Variants in PACRG observed in about 807,000 individuals in gnomAD.
PACRG encodes the protein parkin coregulated gene protein.
Under a neutral mutation model 29.7 loss-of-function variants are expected in PACRG, and 29 were observed. The observed-to-expected ratio is 0.98, with a 90% CI of 0.73 to 1.33. The LOEUF is 1.33. PACRG is among the 40% of genes most tolerant of loss of function. The pLI is 0.00. For synonymous variants in PACRG, 116 were observed against 118.7 expected, an observed-to-expected ratio of 0.98 and a Z score of 0.15; for missense variants, 279 against 316.2, an observed-to-expected ratio of 0.88 and a Z score of 0.89.
intron 4 of PACRG, among the ~76,000 whole-genome samples, chr6:163,112,759 A>G (rs548124464): frequency 6.6e-6 from 1 of 152,332 alleles, no homozygotes; most frequent in South Asian, 2.1e-4. Flanking sequence ...TTTTAAAAGA[A>G]AAACCTGGGG....
At chr6:162,808,711 C>T (rs1786571665) in intron 1 of PACRG, among the ~76,000 whole-genome samples, 1 of 152,162 alleles carries the variant, frequency 6.6e-6, no homozygotes, top group African/African-American at 2.4e-5. Flanking sequence ...CTGTAACATC[C>T]ATTCTTCCCA....
intron 2 of PACRG, among the ~76,000 whole-genome samples, chr6:163,004,739 C>G (rs201246782): frequency 6.4e-5 from 4 of 62,930 alleles, no homozygotes; most frequent in Non-Finnish European, 1.4e-4. Flanking sequence ...TATATATATA[C>G]ACACACACAC....
At chr6:163,149,900 G>C (rs1778004731) in intron 4 of PACRG, among the ~76,000 whole-genome samples, 1 of 152,172 alleles carries the variant, frequency 6.6e-6, no homozygotes, top group Non-Finnish European at 1.5e-5. Context: ...CATTTCTGTA[G>C]GAAACTCAGA....
At chr6:163,000,024 G>T (rs1468673674) in intron 2 of PACRG, among the ~76,000 whole-genome samples, 1 of 152,184 alleles carries the variant, frequency 6.6e-6, no homozygotes, top group African/African-American at 2.4e-5. Flanking sequence ...CCTATGGTTG[G>T]ATTCGTTTCA....
chr6:162,764,874 G>A (rs1782659319), intron 1 of PACRG, among the ~76,000 whole-genome samples: 1 of 151,564 alleles, frequency 6.6e-6, no homozygotes, highest in South Asian at 2.1e-4. Context: ...CTCCCTAGTA[G>A]CTGGGATTAC....
intron 1 of PACRG, among the ~76,000 whole-genome samples, chr6:162,748,800 T>C (rs1322070722): frequency 6.6e-6 from 1 of 152,190 alleles, no homozygotes; most frequent in Non-Finnish European, 1.5e-5. Flanking sequence ...CTCTACGTAT[T>C]ATGCTTATAC....
At chr6:162,831,594 C>A (rs1295719215) in intron 2 of PACRG, among the ~76,000 whole-genome samples, 1 of 152,102 alleles carries the variant, frequency 6.6e-6, no homozygotes, top group East Asian at 1.9e-4. Flanking sequence ...ACCTATCAAC[C>A]CAGCACCTAG....
At chr6:163,122,174 T>A (rs1165415011) in intron 4 of PACRG, among the ~76,000 whole-genome samples, 2 of 152,138 alleles carry the variant, frequency 1.3e-5, no homozygotes, top group Non-Finnish European at 2.9e-5. Flanking sequence ...ACATTCATAA[T>A]GTTTAGATAA....
intron 4 of PACRG, among the ~76,000 whole-genome samples, chr6:163,243,941 C>T (rs1392587147): frequency 6.6e-6 from 1 of 152,180 alleles, no homozygotes; most frequent in African/African-American, 2.4e-5. Context: ...GAAATGTAGT[C>T]AAACAGAGTA....
At chr6:163,186,260 C>A (rs1205487415) in intron 4 of PACRG, among the ~76,000 whole-genome samples, 1 of 152,190 alleles carries the variant, frequency 6.6e-6, no homozygotes, top group Non-Finnish European at 1.5e-5. Flanking sequence ...GGCTGCAAAG[C>A]TGCACACGCC....
At chr6:162,772,875 A>T (rs1783328597) in intron 1 of PACRG, among the ~76,000 whole-genome samples, 1 of 152,228 alleles carries the variant, frequency 6.6e-6, no homozygotes, top group African/African-American at 2.4e-5. Context: ...TAGACAGAAG[A>T]AGTACAGGGA....
chr6:163,177,705 A>G (rs1313721195), intron 4 of PACRG, among the ~76,000 whole-genome samples: 1 of 61,288 alleles, frequency 1.6e-5, no homozygotes, highest in Non-Finnish European at 3.8e-5. Context: ...GAAATTAGAA[A>G]AGGGATTTTT....
intron 1 of PACRG, among the ~76,000 whole-genome samples, chr6:162,764,428 T>G (rs1319217025): frequency 1.3e-5 from 2 of 152,198 alleles, no homozygotes; most frequent in Non-Finnish European, 2.9e-5. Context: ...CAACACAAAT[T>G]TAAATGATTT....
At chr6:162,807,082 C>T (rs1468795800) in intron 1 of PACRG, among the ~76,000 whole-genome samples, 1 of 152,204 alleles carries the variant, frequency 6.6e-6, no homozygotes, top group Non-Finnish European at 1.5e-5. Flanking sequence ...TAGCTTCACA[C>T]TTTTCTTCTG....
chr6:162,800,947 A>G (rs149926696), intron 1 of PACRG, among the ~76,000 whole-genome samples: 3 of 152,234 alleles, frequency 2.0e-5, no homozygotes, highest in African/African-American at 7.2e-5. Flanking sequence ...GCAAGGGTCC[A>G]ATCCCCACAC....
intron 4 of PACRG, among the ~76,000 whole-genome samples, chr6:163,298,418 G>A (rs79478897): frequency 0.02 from 3,038 of 152,274 alleles, 112 homozygotes; most frequent in African/African-American, 0.069. Context: ...GATAAAGCAG[G>A]CACCCGTATG....
chr6:162,998,315 C>T (rs1341666019), intron 2 of PACRG, among the ~76,000 whole-genome samples: 1 of 152,192 alleles, frequency 6.6e-6, no homozygotes, highest in Non-Finnish European at 1.5e-5. Context: ...AGTCCTCATG[C>T]CGTATGCAAC....
intron 2 of PACRG, among the ~76,000 whole-genome samples, chr6:162,883,885 A>C (rs1341233945): frequency 6.7e-6 from 1 of 149,686 alleles, no homozygotes; most frequent in East Asian, 1.9e-4. Context: ...TAGGCAGGTG[A>C]TTGACACATA....
intron 2 of PACRG, among the ~76,000 whole-genome samples, chr6:162,959,302 G>A (rs182202567): frequency 6.6e-6 from 1 of 152,016 alleles, no homozygotes; most frequent in East Asian, 1.9e-4. Flanking sequence ...GAGTAGGGCC[G>A]GGGATGGGAA....
Sources: gnomAD v4.1 joint callset for allele counts (sites outside exome capture counted in the v4.1 genomes callset) on GRCh38, gnomAD v4.1.1 for gene constraint, MANE v1.5 for transcripts, NCBI Gene and HGNC (gene_info 2026-07-23, HGNC 2026-07-21) for gene names.